Variants in AFAP1 observed in about 807,000 individuals in gnomAD.
AFAP1 encodes the protein actin filament-associated protein 1.
Under a neutral mutation model 93.9 loss-of-function variants are expected in AFAP1, and 75 were observed. That is an observed-to-expected ratio of 0.80 (90% CI 0.66 to 0.97). The LOEUF (loss-of-function observed/expected upper bound fraction) is 0.97, where lower values mean the gene tolerates loss of function less well. Ranked by LOEUF, AFAP1 falls within the 50% of genes least tolerant of loss-of-function variation. The pLI, the probability that AFAP1 is intolerant of heterozygous loss-of-function variation, is 0.00. For synonymous variants in AFAP1, 517 were observed against 430.7 expected (o/e 1.20, Z -2.48); for missense variants, 1,201 against 1,050.8 (o/e 1.14, Z -1.98).
intron 4 of AFAP1, chr4:7,843,626 A>C (rs1577283188): frequency 2.9e-6 from 1 of 348,452 alleles, no homozygotes; most frequent in East Asian, 6.6e-5. Context: ...CCCCACGCTG[A>C]CCCGACACTG....
In AFAP1 at chr4:7,786,314, G is replaced by T. The variant is rs201704787; in HGVS notation, c.1413-3C>A. ...ATATAACACGCCTGTTCATGAAACT[G>T]AAAGAAAGGAAATGCGTTAAAATCC... On this transcript the variant is annotated splice_region_variant and splice_polypyrimidine_tract_variant and intron_variant, in intron 11 of 17. Coordinates refer to ENST00000420658, the MANE Select transcript of AFAP1 (RefSeq NM_001134647.2). The T allele has an allele frequency of 6.2e-7, 1 of 1,608,800 alleles. No homozygotes were observed. The highest frequency in any genetic ancestry group is 1.3e-5 in the African/African-American group (1 of 74,820).
chr4:7,769,537 T>C (rs1715116737), intron 16 of AFAP1, among the ~76,000 whole-genome samples: 2 of 152,112 alleles, frequency 1.3e-5, no homozygotes, highest in Admixed American at 6.5e-5. Context: ...AGCTTCCATA[T>C]GCCAAAGGAG....
intron 1 of AFAP1, among the ~76,000 whole-genome samples, chr4:7,935,792 G>A (rs1560244941): frequency 2.0e-5 from 3 of 152,216 alleles, no homozygotes; most frequent in African/African-American, 2.4e-5. Flanking sequence ...GCCAGGGCTA[G>A]AGAAAAGAAC....
chr4:7,789,780 G>A (rs111395832), intron 11 of AFAP1, among the ~76,000 whole-genome samples: 3 of 152,028 alleles, frequency 2.0e-5, no homozygotes, highest in South Asian at 2.1e-4. Flanking sequence ...CCCATGCTCC[G>A]CACCAGCCCC....
intron 6 of AFAP1, among the ~76,000 whole-genome samples, chr4:7,832,123 G>T (rs1005390713): frequency 3.3e-5 from 5 of 152,164 alleles, no homozygotes; most frequent in Non-Finnish European, 5.9e-5. Context: ...GAAGTCCCTT[G>T]TGAGTGTAAA....
At chr4:7,876,526 G>A (rs1269761139) in intron 1 of AFAP1, among the ~76,000 whole-genome samples, 5 of 152,308 alleles carry the variant, frequency 3.3e-5, no homozygotes, top group Non-Finnish European at 7.3e-5. Context: ...GTACACGGGT[G>A]CAAAGGACAG....
chr4:7,819,449 G>T (rs111921140), intron 6 of AFAP1, among the ~76,000 whole-genome samples: 1 of 152,064 alleles, frequency 6.6e-6, no homozygotes, highest in South Asian at 2.1e-4. Flanking sequence ...TTTATTTATC[G>T]CCATGAACAA....
intron 7 of AFAP1, 78 bp from the exon 8 acceptor site, chr4:7,816,177 T>TATC: frequency 8.0e-7 from 1 of 1,246,878 alleles, no homozygotes; most frequent in Non-Finnish European, 1.1e-6. Flanking sequence ...AACCAAAAGT[T>TATC]ATCTCAAAAG....
At chr4:7,907,836 A>C (rs1216366595) in intron 1 of AFAP1, among the ~76,000 whole-genome samples, 1 of 152,244 alleles carries the variant, frequency 6.6e-6, no homozygotes, top group Non-Finnish European at 1.5e-5. Flanking sequence ...GGAAATTAAA[A>C]ATGAGGCCTG....
intron 1 of AFAP1, among the ~76,000 whole-genome samples, chr4:7,889,039 G>A (rs28626087): frequency 0.11 from 17,373 of 151,850 alleles, 1,137 homozygotes; most frequent in Non-Finnish European, 0.16. Context: ...TGATCTGCCC[G>A]CCTCAGCCTC....
chr4:7,764,749 G>C (rs180680319), intron 17 of AFAP1, among the ~76,000 whole-genome samples: 35 of 152,316 alleles, frequency 2.3e-4, no homozygotes, highest in Non-Finnish European at 4.0e-4. Context: ...GCCATGCACT[G>C]GGTGCGGCTA....
rs1226515727 is a variant in AFAP1 at position 7,778,831 on chromosome 4, T to C, written c.1828A>G (p.Lys610Glu). 6.2e-7 allele frequency: 1 copy of C among 1,614,106 alleles called. No individual in the cohort carries two copies. Among genetic ancestry groups the C allele is most frequent in the East Asian group, 2.2e-5 (1 of 44,898 alleles). Residue 610 changes from lysine (K) to glutamate (E), a missense_variant, in exon 14 of 18, where the codon AAA becomes GAA. Coordinates refer to ENST00000420658, the MANE Select transcript of AFAP1 (RefSeq NM_001134647.2). The part of the protein sequence containing the change: ...PPVASNGVTG[K>E]GKTLSSQPKK... ...GGCTGACTGCTCAGAGTCTTCCCTT[T>C]TCCTGTGACCCCATTAGACGCCACG...
intron 3 of AFAP1, among the ~76,000 whole-genome samples, chr4:7,858,492 T>A (rs28468456): frequency 0.8 from 121,489 of 152,072 alleles, 48,685 homozygotes; most frequent in East Asian, 0.94. Context: ...AGGGCCGAAA[T>A]GATGAGCAAA....
chr4:7,810,024 G>T (rs1467984400), intron 8 of AFAP1, among the ~76,000 whole-genome samples: 4 of 152,066 alleles, frequency 2.6e-5, no homozygotes, highest in Non-Finnish European at 5.9e-5. Context: ...ACGTAGGCCT[G>T]GTTAATTTTT....
At chr4:7,839,205 G>A (rs112244028) in intron 5 of AFAP1, among the ~76,000 whole-genome samples, 43 of 151,906 alleles carry the variant, frequency 2.8e-4, no homozygotes, top group Admixed American at 1.5e-3. Context: ...GCATGGTGGC[G>A]TGTTCCTATA....
intron 1 of AFAP1, among the ~76,000 whole-genome samples, chr4:7,891,743 T>TAAAAAAAAAA (rs778916445): frequency 1.6e-5 from 1 of 62,804 alleles, no homozygotes. Flanking sequence ...ATGGTCTCAT[T>TAAAAAAAAAA]AAAAAAAAAA....
At chr4:7,827,568 CCAA>C (rs1721536322) in intron 6 of AFAP1, among the ~76,000 whole-genome samples, 1 of 13,392 alleles carries the variant, frequency 7.5e-5, no homozygotes, top group African/African-American at 7.3e-4. Context: ...AACTCTGTCT[CCAA>C]AAAAAAAAAA....
rs137866246 is a variant in AFAP1 at position 7,762,358 on chromosome 4, T to C, written c.*1407A>G. 6.6e-6 allele frequency: 1 copy of C among 152,236 alleles called. No homozygotes were observed. Among genetic ancestry groups the C allele is most frequent in the East Asian group, 1.9e-4 (1 of 5,178 alleles). 9.4% of individuals were successfully genotyped at this position (152,236 alleles called of 1,614,324 possible). On this transcript the variant is annotated 3_prime_UTR_variant, in exon 18 of 18. Coordinates refer to ENST00000420658, the MANE Select transcript of AFAP1 (RefSeq NM_001134647.2). Reference sequence around the variant, plus strand: ...TACACCAAGTATGGCACCTCTGTATTCTATGCTTGGGGAAGGGGCGGTTGC... The same window carrying C: ...TACACCAAGTATGGCACCTCTGTATCCTATGCTTGGGGAAGGGGCGGTTGC...
At chr4:7,913,416 G>C (rs902213281) in intron 1 of AFAP1, among the ~76,000 whole-genome samples, 7 of 150,278 alleles carry the variant, frequency 4.7e-5, no homozygotes, top group Admixed American at 1.3e-4. Flanking sequence ...AAATGCTAGC[G>C]CATCACCCAT....
Sources: allele counts gnomAD v4.1 joint callset (sites outside exome capture counted in the v4.1 genomes callset), GRCh38; gene constraint gnomAD v4.1.1; transcripts MANE v1.5; gene names NCBI Gene and HGNC (gene_info 2026-07-23, HGNC 2026-07-21).